The following CCM2 variants were observed in gnomAD, a reference collection of about 807,000 sequenced individuals.
The protein encoded by CCM2 is cerebral cavernous malformations 2 protein.
A neutral mutation model predicts 44.9 loss-of-function variants in CCM2; 25 were observed. The ratio of observed to expected loss-of-function variants is 0.56; its 90% confidence interval spans 0.41 to 0.78. CCM2 has a LOEUF of 0.78. Ranked by LOEUF, CCM2 falls within the 30% of genes least tolerant of loss-of-function variation. CCM2 has a pLI of 0.00. For synonymous variants in CCM2, 219 were observed against 241.1 expected (o/e 0.91, Z 0.85); for missense variants, 481 against 580.6 (o/e 0.83, Z 1.76).
rs1462654053 is a variant in CCM2 at position 45,076,409 on chromosome 7, C to G, written c.*352C>G. On this transcript the variant is annotated 3_prime_UTR_variant, in exon 10 of 10. Coordinates refer to ENST00000258781, the MANE Select transcript of CCM2 (RefSeq NM_031443.4). ...TGCACATGATGTTCCTATTGTAACTCTCAGAGACCTTAAAAAGAAGTTTAC... is the reference window on the plus strand; with the variant it reads ...TGCACATGATGTTCCTATTGTAACTGTCAGAGACCTTAAAAAGAAGTTTAC... 1 of 431,600 alleles carries G rather than the reference C, an allele frequency of 2.3e-6. No individual in the cohort carries two copies. The highest frequency in any genetic ancestry group is 4.4e-6 in the Non-Finnish European group (1 of 227,288). The allele number at this position is 431,600 out of a possible 1,614,324, so 26.7% of individuals were successfully genotyped here. A position where few individuals can be genotyped will look rare whatever the true frequency, so the allele number is the denominator to read the frequency against.
rs1437632883 is a variant in CCM2, at chr7:45,023,811, T to G, written c.31-14442T>G. On this transcript the variant is annotated intron_variant, in intron 1 of 9. Transcript: ENST00000258781. The stretch of plus-strand genomic sequence containing the variant: ...AGTTTTTTTTTTTTTTTTTTTTTTT[T>G]TTTTTTTTTTTTTTATGAGACAGAG... 4.6e-4 allele frequency among the ~76,000 whole-genome samples: 65 copies of G among 140,834 alleles called. 2 individuals are homozygous for G. Among genetic ancestry groups the G allele is most frequent in the African/African-American group, 1.5e-3 (58 of 38,200 alleles). The allele number at this position is 140,834 out of a possible 152,430, so 92.4% of individuals were successfully genotyped here.
At position 45,074,269 on chromosome 7, in the gene CCM2, G is replaced by T; in HGVS notation, c.916-1G>T. 3 of 1,613,546 alleles carry T rather than the reference G, an allele frequency of 1.9e-6. No individual in the cohort carries two copies. Among genetic ancestry groups the T allele is most frequent in the Non-Finnish European group, 2.5e-6 (3 of 1,180,026 alleles). ...CCCTATCTGGCTCTGCTCTCTTGCA[G>T]CTGCGCACCAAGCTGTCATCACAGG... On this transcript the variant is annotated splice_acceptor_variant, in intron 8 of 9. Coordinates refer to ENST00000258781, the MANE Select transcript of CCM2 (RefSeq NM_031443.4). LOFTEE classifies it high-confidence loss of function.
At chr7:45,006,128 T>C (rs1795837093) in intron 1 of CCM2, among the ~76,000 whole-genome samples, 1 of 152,090 alleles carries the variant, frequency 6.6e-6, no homozygotes, top group South Asian at 2.1e-4. Flanking sequence ...CAGGAACACC[T>C]TTATGAAAAC....
At chr7:45,073,952 C>A (rs1483154919) in intron 8 of CCM2, 2 of 534,820 alleles carry the variant, frequency 3.7e-6, no homozygotes, top group African/African-American at 3.8e-5. Flanking sequence ...TGTGTGTAGC[C>A]TAAGGGCACA....
At chr7:45,030,123 G>C (rs1796892191) in intron 1 of CCM2, among the ~76,000 whole-genome samples, 1 of 152,134 alleles carries the variant, frequency 6.6e-6, no homozygotes, top group African/African-American at 2.4e-5. Context: ...AGAGACTTAG[G>C]CTGGGATAGA....
chr7:45,064,726 T>C, intron 4 of CCM2, 80 bp downstream of exon 4: 1 of 1,497,394 alleles, frequency 6.7e-7, no homozygotes, highest in Non-Finnish European at 9.2e-7. Context: ...GAGACAGTTT[T>C]TGCAGCTTCG....
chr7:45,027,610 C>T, intron 1 of CCM2: 3 of 1,610,444 alleles, frequency 1.9e-6, no homozygotes, highest in Non-Finnish European at 2.5e-6. Context: ...CAGAAGGAAG[C>T]TGTGGTTTCT....
chr7:45,065,767 C>T (rs1433534227), intron 4 of CCM2, among the ~76,000 whole-genome samples: 6 of 151,444 alleles, frequency 4.0e-5, no homozygotes, highest in African/African-American at 1.2e-4. Flanking sequence ...GTACACCCTC[C>T]CCAACGCAGG....
chr7:45,013,334 G>A (rs149948708), intron 1 of CCM2, among the ~76,000 whole-genome samples: 196 of 150,430 alleles, frequency 1.3e-3, no homozygotes, highest in Admixed American at 2.5e-3. Context: ...TTAAACAATC[G>A]ACTTTTCACC....
intron 2 of CCM2, among the ~76,000 whole-genome samples, chr7:45,041,794 C>T (rs960719435): frequency 6.6e-6 from 1 of 152,178 alleles, no homozygotes; most frequent in Non-Finnish European, 1.5e-5. Context: ...TTGTGTGGTT[C>T]TGGAGTGTTA....
chr7:45,069,048 C>G (rs563193693), intron 5 of CCM2, among the ~76,000 whole-genome samples: 1 of 152,256 alleles, frequency 6.6e-6, no homozygotes, highest in Admixed American at 6.5e-5. Context: ...TCCTCACAAC[C>G]TGGAAGAGCC....
Position 45,011,508 on chromosome 7 carries a change from T to A in CCM2, c.30+11145T>A, listed in dbSNP as rs146851183. ...CACTGTACCCAGCTGGGCTAATTTT[T>A]AAAAATTTTTATTTTTATGTTTTAT... On this transcript the variant is annotated intron_variant, in intron 1 of 9. Transcript: ENST00000258781. 1.3e-3 allele frequency among the ~76,000 whole-genome samples: 195 copies of A among 152,192 alleles called. 2 individuals carry two copies. The East Asian group carries it at 0.035, about 27-fold the overall frequency.
At chr7:45,006,005 A>G (rs1367006730) in intron 1 of CCM2, among the ~76,000 whole-genome samples, 3 of 152,220 alleles carry the variant, frequency 2.0e-5, no homozygotes, top group African/African-American at 4.8e-5. Flanking sequence ...ATTAGCACCA[A>G]TGGTGTCAGA....
intron 4 of CCM2, among the ~76,000 whole-genome samples, chr7:45,066,709 G>A (rs1050392158): frequency 6.6e-6 from 1 of 152,106 alleles, no homozygotes; most frequent in Non-Finnish European, 1.5e-5. Context: ...CCGTGCACCC[G>A]TGGTAGCACT....
chr7:45,007,142 C>T (rs1029139934), intron 1 of CCM2, among the ~76,000 whole-genome samples: 1 of 152,156 alleles, frequency 6.6e-6, no homozygotes, highest in Non-Finnish European at 1.5e-5. Flanking sequence ...CTCAGAGTGA[C>T]AGGACAACCC....
chr7:45,061,614 C>T (rs962605101), intron 2 of CCM2, among the ~76,000 whole-genome samples: 3 of 151,944 alleles, frequency 2.0e-5, no homozygotes, highest in Non-Finnish European at 4.4e-5. Flanking sequence ...ACCACAGGCA[C>T]ACTGCCGTGC....
chr7:45,041,930 C>G (rs1797523045), intron 2 of CCM2, among the ~76,000 whole-genome samples: 1 of 152,148 alleles, frequency 6.6e-6, no homozygotes, highest in South Asian at 2.1e-4. Context: ...GGAAGGAGCC[C>G]TCCACGCAGG....
Position 45,027,920 on chromosome 7 carries a change from A to G in CCM2, c.31-10333A>G. The G allele has an allele frequency of 4.0e-6, 4 of 994,270 alleles. No individual in the cohort carries two copies. In the Admixed American group the frequency reaches 5.9e-5, roughly 15 times the overall value. The allele number at this position is 994,270 out of a possible 1,614,324, so 61.6% of individuals were successfully genotyped here. ...TGTGAGCTAGGGTAGCCCAGTCTCCATGACCCCTGCTTTGGGAGGATGGGG... is the reference window on the plus strand; with the variant it reads ...TGTGAGCTAGGGTAGCCCAGTCTCCGTGACCCCTGCTTTGGGAGGATGGGG... On this transcript the variant is annotated intron_variant, in intron 1 of 9. Transcript: ENST00000258781.
At chr7:45,070,747 A>C (rs951867476) in intron 6 of CCM2, 5 of 192,392 alleles carry the variant, frequency 2.6e-5, no homozygotes, top group Non-Finnish European at 5.5e-5. Context: ...TCGGGAGTTC[A>C]AGACCAGCCT....
Sources: gnomAD v4.1 joint callset for allele counts (sites outside exome capture counted in the v4.1 genomes callset) on GRCh38, gnomAD v4.1.1 for gene constraint, MANE v1.5 for transcripts, NCBI Gene and HGNC (gene_info 2026-07-23, HGNC 2026-07-21) for gene names.